Variants in FCER1A observed in about 807,000 individuals in gnomAD.
FCER1A encodes the protein Fc epsilon receptor Ia, also known as high affinity immunoglobulin epsilon receptor subunit alpha.
Under a neutral mutation model 23.6 loss-of-function variants are expected in FCER1A, and 24 were observed. The observed-to-expected ratio is 1.02, with a 90% CI of 0.74 to 1.43. FCER1A has a LOEUF of 1.43. Ranked by LOEUF, FCER1A falls within the 40% of genes most tolerant of loss-of-function variation. The pLI is 0.00. For missense variants in FCER1A, 318 were observed against 294.5 expected (o/e 1.08, Z -0.58); for synonymous variants, 121 against 108.8 (o/e 1.11, Z -0.70).
At position 159,306,085 on chromosome 1, in the gene FCER1A, G is replaced by T. The variant is rs769811777; in HGVS notation, c.429G>T (p.Val143=). ...GGAGGAACTGGGATGTGTACAAGGT[G>T]ATCTATTATAAGGATGGTGAAGCTC... ...HGWRNWDVYK[V]IYYKDGEALK... The change falls in exon 4 of 5, where the codon GTG becomes GTT. Residue 143 remains valine, a synonymous_variant. Transcript: ENST00000693622. 1.2e-6 allele frequency: 2 copies of T among 1,614,162 alleles called. No individual in the cohort carries two copies. Among genetic ancestry groups the T allele is most frequent in the Admixed American group, 3.3e-5 (2 of 60,020 alleles).
intron 1 of FCER1A, among the ~76,000 whole-genome samples, chr1:159,292,024 G>C (rs931509574): frequency 6.6e-6 from 1 of 152,014 alleles, no homozygotes; most frequent in Non-Finnish European, 1.5e-5. Flanking sequence ...TACCTTATCA[G>C]CTGTTTTCTC....
At chr1:159,300,856 C>T (rs1235071699), upstream of FCER1A, among the ~76,000 whole-genome samples, 4 of 152,070 alleles carry the variant, frequency 2.6e-5, no homozygotes, top group Admixed American at 2.6e-4. Context: ...ATACAGGTAA[C>T]CTTCAATCAC....
At chr1:159,303,414 A>G (rs1652497307) in intron 2 of FCER1A, among the ~76,000 whole-genome samples, 1 of 152,060 alleles carries the variant, frequency 6.6e-6, no homozygotes, top group African/African-American at 2.4e-5. Context: ...ACTTTCTGGA[A>G]CTGACATATG....
At chr1:159,303,018 C>T in intron 2 of FCER1A, 144 bp downstream of exon 2, 1 of 800,630 alleles carries the variant, frequency 1.2e-6, no homozygotes, top group South Asian at 1.5e-5. Context: ...CTCCACCTTG[C>T]CTTGTCTTTC....
rs533583312 is a variant in FCER1A at position 159,306,103 on chromosome 1, T to G, written c.447T>G (p.Gly149=). 1 of 1,614,154 alleles carries G rather than the reference T, an allele frequency of 6.2e-7. No homozygotes were observed. The highest frequency in any genetic ancestry group is 1.3e-5 in the African/African-American group (1 of 75,032). The part of the protein sequence containing the change: ...DVYKVIYYKD[G]EALKYWYENH... ...ACAAGGTGATCTATTATAAGGATGG[T>G]GAAGCTCTCAAGTACTGGTATGAGA... The change falls in exon 4 of 5, where the codon GGT becomes GGG. Residue 149 remains glycine (G), a synonymous_variant. Transcript: ENST00000693622.
the FCER1A span, among the ~76,000 whole-genome samples, chr1:159,284,520 T>C: frequency 6.6e-6 from 1 of 152,238 alleles, no homozygotes; most frequent in Non-Finnish European, 1.5e-5. Context: ...ACTAAGAATT[T>C]TTAAATTCTG....
intron 1 of FCER1A, 80 bp from the exon 2 acceptor site, chr1:159,302,774 T>C: frequency 7.8e-7 from 1 of 1,288,526 alleles, no homozygotes; most frequent in South Asian, 1.2e-5. Context: ...ATGTAGATCT[T>C]ATCCCCACAC....
upstream of FCER1A, among the ~76,000 whole-genome samples, chr1:159,285,668 A>G (rs1231255919): frequency 6.6e-6 from 1 of 152,030 alleles, no homozygotes; most frequent in Non-Finnish European, 1.5e-5. Flanking sequence ...TTAAATAAAT[A>G]GCATAATTTT....
chr1:159,304,398 G>A (rs1652535951), intron 3 of FCER1A, among the ~76,000 whole-genome samples: 3 of 152,002 alleles, frequency 2.0e-5, no homozygotes, highest in South Asian at 4.1e-4. Flanking sequence ...TCAGGAGATC[G>A]AGACCATCCG....
intron 1 of FCER1A, among the ~76,000 whole-genome samples, chr1:159,292,034 C>G (rs894182452): frequency 1.3e-5 from 2 of 152,140 alleles, no homozygotes; most frequent in Non-Finnish European, 2.9e-5. Context: ...GCTGTTTTCT[C>G]TAGCCTCTGT....
intron 1 of FCER1A, among the ~76,000 whole-genome samples, chr1:159,291,171 C>T (rs1652142810): frequency 6.6e-6 from 1 of 152,176 alleles, no homozygotes; most frequent in Non-Finnish European, 1.5e-5. Flanking sequence ...TAACTATTCA[C>T]TTCAAGGTTT....
rs1571080508 is a variant in FCER1A, at chr1:159,302,397, G to A, written c.33G>A (p.Leu11=). ...CTGCCATGGAATCCCCTACTCTACT[G>A]TGTGTAGCCTTACTGTTCTTCGGTA... MAPAMESPTL[L]CVALLFFAPD... The change falls in exon 1 of 5, where the codon CTG becomes CTA. Residue 11 remains leucine (L), a synonymous_variant. Coordinates refer to ENST00000693622, the MANE Select transcript of FCER1A (RefSeq NM_001387280.1). The A allele has an allele frequency of 1.9e-6, 3 of 1,611,104 alleles. No individual in the cohort carries two copies. The African/African-American group carries it at 4.0e-5, about 21-fold the overall frequency.
At chr1:159,286,530 C>T (rs1212718956), upstream of FCER1A, among the ~76,000 whole-genome samples, 2 of 152,082 alleles carry the variant, frequency 1.3e-5, no homozygotes, top group Non-Finnish European at 2.9e-5. Flanking sequence ...GACAGGGTTT[C>T]ACCATGTTAG....
intron 1 of FCER1A, among the ~76,000 whole-genome samples, chr1:159,291,794 A>G (rs1652159520): frequency 6.6e-6 from 1 of 152,034 alleles, no homozygotes; most frequent in Non-Finnish European, 1.5e-5. Context: ...ATGCTTCCTC[A>G]ATTCCTATTC....
At position 159,303,993 on chromosome 1, in the gene FCER1A, A is replaced by C; in HGVS notation, c.142A>C (p.Thr48Pro). The change falls in exon 3 of 5, where the codon ACT (threonine) becomes CCT (proline). Residue 48 changes from threonine (T) to proline (P), a missense_variant. Thr to Pro is a conservative substitution (Grantham distance 38). Transcript: ENST00000693622. ...WNRIFKGENV[T>P]LTCNGNNFFE... ...TAGAATATTTAAAGGAGAGAATGTG[A>C]CTCTTACATGTAATGGGAACAATTT... The C allele has an allele frequency of 6.2e-7, 1 of 1,612,976 alleles. No individual in the cohort carries two copies. Among genetic ancestry groups the C allele is most frequent in the Non-Finnish European group, 8.5e-7 (1 of 1,178,980 alleles).
At position 159,302,618 on chromosome 1, in the gene FCER1A, C is replaced by T. The variant is rs3845626; in HGVS notation, c.55+199C>T. Reference sequence around the variant, plus strand: ...AGCAACACCTAAGGAGGAAGCCAGACTGAAAGCTTGGTTCCTTGCATTTGC... The same window carrying T: ...AGCAACACCTAAGGAGGAAGCCAGATTGAAAGCTTGGTTCCTTGCATTTGC... On this transcript the variant is annotated intron_variant, in intron 1 of 4. Transcript: ENST00000693622. 3.7e-3 allele frequency among the ~76,000 whole-genome samples: 556 copies of T among 152,280 alleles called. 19 individuals carry two copies. The East Asian group carries it at 0.077, about 21-fold the overall frequency.
chr1:159,300,596 A>T (rs1318218481), upstream of FCER1A, among the ~76,000 whole-genome samples: 1 of 152,198 alleles, frequency 6.6e-6, no homozygotes. Flanking sequence ...GATTGCGTAG[A>T]TATATTAAAC....
At chr1:159,296,154 C>A (rs549074111) in intron 1 of FCER1A, among the ~76,000 whole-genome samples, 1 of 152,142 alleles carries the variant, frequency 6.6e-6, no homozygotes, top group African/African-American at 2.4e-5. Flanking sequence ...GATTAACTTT[C>A]TTGTCCTAAA....
chr1:159,295,421 A>G (rs1020611469), intron 1 of FCER1A, among the ~76,000 whole-genome samples: 4 of 152,214 alleles, frequency 2.6e-5, no homozygotes, highest in African/African-American at 7.2e-5. Flanking sequence ...TGGTTATGAA[A>G]TGGTCATCTG....
Sources: allele counts gnomAD v4.1 joint callset (sites outside exome capture counted in the v4.1 genomes callset), GRCh38; gene constraint gnomAD v4.1.1; transcripts MANE v1.5; gene names NCBI Gene and HGNC (gene_info 2026-07-23, HGNC 2026-07-21).